The following PCDHGB6 variants were observed in gnomAD, a reference collection of about 807,000 sequenced individuals.
PCDHGB6 encodes protocadherin gamma-B6.
A neutral mutation model predicts 59.1 loss-of-function variants in PCDHGB6; 51 were observed. The ratio of observed to expected loss-of-function variants is 0.86; its 90% confidence interval spans 0.69 to 1.09. PCDHGB6 has a LOEUF of 1.09. Ranked by LOEUF, PCDHGB6 falls within the 50% of genes least tolerant of loss-of-function variation. The pLI is 0.00. For missense variants in PCDHGB6, 1,148 were observed against 1,205.1 expected (o/e 0.95, Z 0.70); for synonymous variants, 466 against 495.1 (o/e 0.94, Z 0.78).
chr5:141,413,387 T>G (rs902208287), intron 1 of PCDHGB6: 1 of 1,613,908 alleles, frequency 6.2e-7, no homozygotes, highest in Non-Finnish European at 8.5e-7. Context: ...GTCCGCATAG[T>G]CTCCAGAGGT....
chr5:141,415,080 C>T (rs1426953509), intron 1 of PCDHGB6: 1 of 1,613,526 alleles, frequency 6.2e-7, no homozygotes, highest in African/African-American at 1.3e-5. Context: ...CGGCGCGAGC[C>T]CTGCTGGACA....
rs57426385 is a variant in PCDHGB6 at position 141,415,740 on chromosome 5, G to GTTT, written c.2418+5150_2418+5152dup. ...TGAGTAGAATTTGATGTTTATTAAG[G>GTTT]TTTTTTTTTTTTTTTTTTTTTTTTT... On this transcript the variant is annotated intron_variant, in intron 1 of 3. Transcript: ENST00000520790. 6,178 of 620,014 alleles carry GTTT rather than the reference G, an allele frequency of 1.0e-2. 42 individuals are homozygous for GTTT. Among genetic ancestry groups the GTTT allele is most frequent in the South Asian group, 0.019 (660 of 34,340 alleles). The allele number at this position is 620,014 out of a possible 1,614,324, so 38.4% of individuals were successfully genotyped here. A position where few individuals can be genotyped will look rare whatever the true frequency, so the allele number is the denominator to read the frequency against.
At chr5:141,496,782 C>T (rs552953558) in intron 2 of PCDHGB6, among the ~76,000 whole-genome samples, 16 of 152,136 alleles carry the variant, frequency 1.1e-4, no homozygotes, top group South Asian at 2.1e-4. Context: ...TGAGCAGGGC[C>T]CTGTGCTAAA....
intron 1 of PCDHGB6, among the ~76,000 whole-genome samples, chr5:141,443,695 A>G (rs1324985529): frequency 1.3e-5 from 2 of 152,272 alleles, no homozygotes; most frequent in Non-Finnish European, 2.9e-5. Context: ...TTCAAAAATT[A>G]TAGAATAACA....
intron 1 of PCDHGB6, among the ~76,000 whole-genome samples, chr5:141,481,555 C>T (rs1013876865): frequency 3.3e-5 from 5 of 152,164 alleles, no homozygotes; most frequent in South Asian, 2.1e-4. Flanking sequence ...CAGTGGCTCA[C>T]GCCTGTAATC....
intron 1 of PCDHGB6, among the ~76,000 whole-genome samples, chr5:141,434,479 A>C (rs2097696849): frequency 6.6e-6 from 1 of 152,202 alleles, no homozygotes; most frequent in African/African-American, 2.4e-5. Flanking sequence ...AGGGCAAGGA[A>C]CACCTGGCCC....
chr5:141,492,460 G>T (rs2099740851), intron 1 of PCDHGB6, among the ~76,000 whole-genome samples: 1 of 152,218 alleles, frequency 6.6e-6, no homozygotes, highest in African/African-American at 2.4e-5. Flanking sequence ...GCGCGCCTGA[G>T]GGTCCCAGAT....
chr5:141,485,193 G>T lies in PCDHGB6; in HGVS notation c.2419-9614G>T. The T allele has an allele frequency of 6.2e-7, 1 of 1,613,988 alleles. No homozygotes were observed. Among genetic ancestry groups the T allele is most frequent in the Non-Finnish European group, 8.5e-7 (1 of 1,179,852 alleles). The stretch of plus-strand genomic sequence containing the variant: ...GCAGCAATGCTCCGCAAGGTGAGAA[G>T]CTGGACAGAAATCTGGCGGTGGGCT... On this transcript the variant is annotated intron_variant, in intron 1 of 3. Transcript: ENST00000520790. The surrounding 1 kb of genome is among the most constrained non-coding windows in gnomAD (Gnocchi z 5.7).
intron 1 of PCDHGB6, chr5:141,427,747 C>A (rs2097063869): frequency 1.6e-6 from 2 of 1,277,502 alleles, no homozygotes; most frequent in Non-Finnish European, 2.2e-6. Flanking sequence ...GTCTCCTACT[C>A]CATCGTTACC....
rs2095350230 is a variant in PCDHGB6 at position 141,410,029 on chromosome 5, G to T, written c.1827G>T (p.Leu609=). 9.3e-6 allele frequency: 15 copies of T among 1,613,274 alleles called. No individual in the cohort carries two copies. The highest frequency in any genetic ancestry group is 1.3e-5 in the Non-Finnish European group (15 of 1,179,808). The change falls in exon 1 of 4, where the codon CTG becomes CTT. Residue 609 remains leucine, a synonymous_variant. Transcript: ENST00000520790. ...ACGCCTGGCTGTCCTACCACGTGCT[G>T]CAGGCCAGTGAGCCCGGACTCTTCA... ...GHNAWLSYHV[L]QASEPGLFSL...
intron 1 of PCDHGB6, among the ~76,000 whole-genome samples, chr5:141,430,357 T>C (rs1258305414): frequency 1.3e-5 from 2 of 149,904 alleles, no homozygotes; most frequent in Non-Finnish European, 3.0e-5. Context: ...ATTTAAAAGC[T>C]CATTGGGGAA....
chr5:141,409,152 T>C lies in PCDHGB6; in HGVS notation c.950T>C (p.Met317Thr). 1 of 1,613,988 alleles carries C rather than the reference T, an allele frequency of 6.2e-7. No homozygotes were observed. The highest frequency in any genetic ancestry group is 8.5e-7 in the Non-Finnish European group (1 of 1,179,886). Residue 317 changes from methionine (M) to threonine (T), a missense_variant, in exon 1 of 4, where the codon ATG becomes ACG. By Grantham distance (81) the Met-to-Thr change is moderately conservative. Transcript: ENST00000520790. ...FDFEDVERYTMEVEAKDGGGL... is the reference protein window; with the variant it reads ...FDFEDVERYTTEVEAKDGGGL... Reference sequence around the variant, plus strand: ...TTTGAAGATGTAGAAAGGTACACCATGGAAGTGGAAGCGAAGGACGGAGGT... The same window carrying C: ...TTTGAAGATGTAGAAAGGTACACCACGGAAGTGGAAGCGAAGGACGGAGGT...
rs539905795 is a variant in PCDHGB6, at chr5:141,419,910, C to T, written c.2418+9290C>T. 1.5e-5 allele frequency: 25 copies of T among 1,614,086 alleles called. No individual in the cohort carries two copies. In the South Asian group the frequency reaches 2.4e-4, roughly 16 times the overall value. On this transcript the variant is annotated intron_variant, in intron 1 of 3. Coordinates refer to ENST00000520790, the MANE Select transcript of PCDHGB6 (RefSeq NM_018926.3). ...AGCGACCATCCCACACCCTCTGACT[C>T]CCAGGCTGAGATGCAGTTTTACCTG...
rs747917835 is a variant in PCDHGB6 at position 141,487,659 on chromosome 5, AT to A, written c.2419-7147del. 3.7e-6 allele frequency: 6 copies of A among 1,613,466 alleles called. No homozygotes were observed. Among genetic ancestry groups the A allele is most frequent in the Non-Finnish European group, 5.1e-6 (6 of 1,179,716 alleles). On this transcript the variant is annotated intron_variant, in intron 1 of 3. Coordinates refer to ENST00000520790, the MANE Select transcript of PCDHGB6 (RefSeq NM_018926.3). This position sits in a 1 kb window ranked among gnomAD's most constrained non-coding sequence, Gnocchi z 5.0. ...CAACAAATGCTTGAGGGTTATTCTGATCCAGGCATATGGCTAGGCCATGTCC... is the reference window on the plus strand; with the variant it reads ...CAACAAATGCTTGAGGGTTATTCTGACCAGGCATATGGCTAGGCCATGTCC...
intron 1 of PCDHGB6, chr5:141,413,350 G>C: frequency 6.2e-7 from 1 of 1,613,974 alleles, no homozygotes; most frequent in South Asian, 1.1e-5. Context: ...CTTGGGTCTG[G>C]CGCCCCGGGA....
In PCDHGB6 at chr5:141,408,560, A is replaced by G. The variant is rs368143982; in HGVS notation, c.358A>G (p.Ile120Val). The G allele has an allele frequency of 6.3e-5, 102 of 1,613,910 alleles. No homozygotes were observed. Among genetic ancestry groups the G allele is most frequent in the Non-Finnish European group, 8.4e-5 (99 of 1,179,898 alleles). Residue 120 changes from isoleucine (I) to valine (V), a missense_variant, in exon 1 of 4, where the codon ATT becomes GTT. By Grantham distance (29) the Ile-to-Val change is conservative (BLOSUM62 3). Around this residue, in one of 5 missense-constraint regions of PCDHGB6, gnomAD observed 307 missense variants for 323.8 expected, o/e 0.95. Coordinates refer to ENST00000520790, the MANE Select transcript of PCDHGB6 (RefSeq NM_018926.3). ...AAATCCTTTAAATATTTTTCATGTC[A>G]TTGTGGTGATTGAGGATGTTAATGA... is the stretch of plus-strand genomic sequence containing the variant. ...VENPLNIFHV[I>V]VVIEDVNDHA...
rs747585516 is a variant in PCDHGB6, at chr5:141,409,120, A to G, written c.918A>G (p.Ser306=). ...EKTGMIKNNQ[S]FDFEDVERYT... ...CAGGTATGATTAAGAATAACCAGTC[A>G]TTTGATTTTGAAGATGTAGAAAGGT... The change falls in exon 1 of 4, where the codon TCA becomes TCG. Residue 306 remains serine (S), a synonymous_variant. Transcript: ENST00000520790. 6 of 1,613,844 alleles carry G rather than the reference A, an allele frequency of 3.7e-6. No homozygotes were observed. The African/African-American group carries it at 8.0e-5, about 22-fold the overall frequency.
intron 1 of PCDHGB6, among the ~76,000 whole-genome samples, chr5:141,484,389 G>A (rs1336850919): frequency 6.6e-6 from 1 of 152,140 alleles, no homozygotes; most frequent in Non-Finnish European, 1.5e-5. Flanking sequence ...GAATAAGAAA[G>A]GTTTGGTTTC....
At chr5:141,414,677 AG>A in intron 1 of PCDHGB6, 1 of 1,613,794 alleles carries the variant, frequency 6.2e-7, no homozygotes, top group Non-Finnish European at 8.5e-7. Context: ...GACACCATCC[AG>A]GGGGTACCTC....
Sources: allele counts gnomAD v4.1 joint callset (sites outside exome capture counted in the v4.1 genomes callset), GRCh38; gene constraint gnomAD v4.1.1; regional missense constraint gnomAD v4.1.1; non-coding constraint Gnocchi (gnomAD v3.1); transcripts MANE v1.5; gene names NCBI Gene and HGNC (gene_info 2026-07-23, HGNC 2026-07-21).